PDK1: variants seen among roughly 807,000 people sequenced by gnomAD.
PDK1 encodes [Pyruvate dehydrogenase (acetyl-transferring)] kinase isozyme 1, mitochondrial.
A neutral mutation model predicts 54.2 loss-of-function variants in PDK1; 39 were observed. The ratio of observed to expected loss-of-function variants is 0.72; its 90% confidence interval spans 0.56 to 0.94. The LOEUF is 0.94. Among genes scored for constraint, PDK1 ranks in the 40% least tolerant of loss-of-function variants. The pLI is 0.00. For synonymous variants in PDK1, 221 were observed against 207.1 expected (o/e 1.07, Z -0.58); for missense variants, 552 against 566.0 (o/e 0.98, Z 0.25).
the PDK1 span, among the ~76,000 whole-genome samples, chr2:172,658,125 C>T: frequency 3.3e-5 from 5 of 152,136 alleles, no homozygotes; most frequent in African/African-American, 9.7e-5. Context: ...TTATAAGAGA[C>T]CCATCCCTGT....
chr2:172,652,057 C>G, the PDK1 span, among the ~76,000 whole-genome samples: 996 of 152,218 alleles, frequency 6.5e-3, 10 homozygotes, highest in African/African-American at 0.022. Flanking sequence ...AACATCGATG[C>G]AAAAATCCTC....
chr2:172,650,474 C>T, the PDK1 span, among the ~76,000 whole-genome samples: 1 of 152,142 alleles, frequency 6.6e-6, no homozygotes, highest in Non-Finnish European at 1.5e-5. Flanking sequence ...ATCAAATTCA[C>T]ACATAATGAT....
the PDK1 span, among the ~76,000 whole-genome samples, chr2:172,708,269 A>G: frequency 6.6e-6 from 1 of 150,518 alleles, no homozygotes; most frequent in Non-Finnish European, 1.5e-5. Context: ...AGCCTGGGCG[A>G]CAGAGTGAAA....
the PDK1 span, among the ~76,000 whole-genome samples, chr2:172,655,356 A>AG: frequency 0.79 from 119,711 of 152,104 alleles, 47,242 homozygotes; most frequent in African/African-American, 0.81. Context: ...CGTGGTTTTT[A>AG]TCACACATTC....
At chr2:172,623,396 C>T in the PDK1 span, among the ~76,000 whole-genome samples, 14 of 152,060 alleles carry the variant, frequency 9.2e-5, no homozygotes, top group African/African-American at 2.9e-4. Context: ...AAGCCAAAAC[C>T]AAGTGAATTG....
rs1233635029 is a variant in PDK1, at chr2:172,556,277, C to T, written c.127C>T (p.Pro43Ser). ...CAGCCCGGCGTCCGAGCGCGGCGTT[C>T]CGGGCCAGGTGGACTTCTACGCGCG... ...GSSPASERGV[P>S]GQVDFYARFS... The change falls in exon 1 of 11, where the codon CCG becomes TCG. Residue 43 changes from proline (P) to serine (S), a missense_variant. Transcript: ENST00000282077. The T allele has an allele frequency of 1.3e-6, 2 of 1,503,098 alleles. No individual in the cohort carries two copies. Among genetic ancestry groups the T allele is most frequent in the Non-Finnish European group, 1.8e-6 (2 of 1,132,674 alleles). 93.1% of individuals were successfully genotyped at this position (1,503,098 alleles called of 1,614,324 possible). A position where few individuals can be genotyped will look rare whatever the true frequency, so the allele number is the denominator to read the frequency against.
the PDK1 span, among the ~76,000 whole-genome samples, chr2:172,636,836 G>T: frequency 1.3e-5 from 2 of 151,980 alleles, no homozygotes; most frequent in Non-Finnish European, 2.9e-5. Flanking sequence ...CTCCATCACT[G>T]GGGTTCACAT....
At chr2:172,595,624 A>C (rs1690848055) in intron 10 of PDK1, among the ~76,000 whole-genome samples, 1 of 152,198 alleles carries the variant, frequency 6.6e-6, no homozygotes, top group Non-Finnish European at 1.5e-5. Flanking sequence ...GTCAACCTGC[A>C]CATCAGTCAG....
chr2:172,653,591 G>T, the PDK1 span, among the ~76,000 whole-genome samples: 1 of 143,728 alleles, frequency 7.0e-6, no homozygotes, highest in African/African-American at 2.7e-5. Context: ...CGACAAGAGC[G>T]AGACTCCATC....
chr2:172,714,799 A>G, the PDK1 span, among the ~76,000 whole-genome samples: 8 of 152,118 alleles, frequency 5.3e-5, 1 homozygote, highest in Admixed American at 5.2e-4. Context: ...TTTTATATGT[A>G]TGGCTTATAG....
chr2:172,646,257 G>A, the PDK1 span, among the ~76,000 whole-genome samples: 14 of 152,240 alleles, frequency 9.2e-5, 1 homozygote, highest in East Asian at 1.9e-3. Context: ...TAACATATTT[G>A]CTATTTTTGT....
At chr2:172,662,106 C>T in the PDK1 span, among the ~76,000 whole-genome samples, 1,093 of 152,284 alleles carry the variant, frequency 7.2e-3, 18 homozygotes, top group African/African-American at 0.025. Context: ...ACAAGGAAGT[C>T]ATTCACATCA....
At chr2:172,586,463 T>C (rs1574516965) in intron 9 of PDK1, 75 bp downstream of exon 9, 2 of 868,242 alleles carry the variant, frequency 2.3e-6, no homozygotes, top group East Asian at 5.1e-5. Context: ...AATAAGTAAG[T>C]TAAGCCGTCA....
At chr2:172,673,938 G>A in the PDK1 span, among the ~76,000 whole-genome samples, 23 of 152,268 alleles carry the variant, frequency 1.5e-4, no homozygotes, top group South Asian at 4.6e-3. Flanking sequence ...GCATGGTAGG[G>A]GATTAAAGCA....
intron 8 of PDK1, among the ~76,000 whole-genome samples, chr2:172,574,104 TG>T (rs1162639051): frequency 6.6e-6 from 1 of 152,246 alleles, no homozygotes; most frequent in Admixed American, 6.5e-5. Context: ...AGTTAAGTTT[TG>T]TACATGGTTT....
chr2:172,563,151 A>G (rs544653600), intron 3 of PDK1, among the ~76,000 whole-genome samples: 1 of 152,270 alleles, frequency 6.6e-6, no homozygotes, highest in Non-Finnish European at 1.5e-5. Flanking sequence ...TAGTTAGCAA[A>G]TGGTAGAATC....
At chr2:172,666,989 G>A in the PDK1 span, among the ~76,000 whole-genome samples, 3 of 152,220 alleles carry the variant, frequency 2.0e-5, no homozygotes, top group East Asian at 3.9e-4. Flanking sequence ...TTTTTTATTT[G>A]TATAAATCTA....
chr2:172,610,776 A>G (rs961419821), downstream of PDK1, among the ~76,000 whole-genome samples: 1 of 151,842 alleles, frequency 6.6e-6, no homozygotes, highest in Non-Finnish European at 1.5e-5. Context: ...ATGCCCGGCT[A>G]ATTTTTGTAT....
chr2:172,604,284 CT>C lies in PDK1; in HGVS notation c.*8316del, dbSNP rs1691213238. 1.3e-5 allele frequency: 2 copies of C among 152,176 alleles called. No homozygotes were observed. Among genetic ancestry groups the C allele is most frequent in the African/African-American group, 4.8e-5 (2 of 41,438 alleles). 9.4% of individuals were successfully genotyped at this position (152,176 alleles called of 1,614,324 possible). On this transcript the variant is annotated 3_prime_UTR_variant, in exon 11 of 11. Transcript: ENST00000282077. ...TTTAGCAGAGACAGGGTGTCGCCAC[CT>C]CAAGGGATCCACCTGCCTTGGCCTC...
Sources: allele counts gnomAD v4.1 joint callset (sites outside exome capture counted in the v4.1 genomes callset), GRCh38; gene constraint gnomAD v4.1.1; transcripts MANE v1.5; gene names NCBI Gene and HGNC (gene_info 2026-07-23, HGNC 2026-07-21).